PRKD1: variants seen among roughly 807,000 people sequenced by gnomAD.
PRKD1 encodes protein kinase D1.
PRKD1 carries 63 observed loss-of-function variants against 95.9 expected under a neutral mutation model. The observed-to-expected ratio is 0.66, with a 90% CI of 0.54 to 0.81. The LOEUF is 0.81. PRKD1 is among the 30% of genes least tolerant of loss of function. The pLI, the probability that PRKD1 is intolerant of heterozygous loss-of-function variation, is 0.00. For synonymous variants in PRKD1, 425 were observed against 423.1 expected (o/e 1.00, Z -0.05); for missense variants, 1,048 against 1,165.3 (o/e 0.90, Z 1.47).
intron 4 of PRKD1, among the ~76,000 whole-genome samples, chr14:29,663,120 T>C (rs2139209557): frequency 7.0e-6 from 1 of 142,070 alleles, no homozygotes; most frequent in African/African-American, 2.6e-5. Flanking sequence ...TAAAAATATA[T>C]ATCTTATGGA....
intron 10 of PRKD1, among the ~76,000 whole-genome samples, chr14:29,629,630 G>A (rs1879852807): frequency 6.6e-6 from 1 of 152,118 alleles, no homozygotes; most frequent in East Asian, 1.9e-4. Flanking sequence ...GTTTCATTAT[G>A]AGTAACTATT....
At chr14:29,823,898 T>C (rs45546131) in intron 1 of PRKD1, among the ~76,000 whole-genome samples, 89 of 152,312 alleles carry the variant, frequency 5.8e-4, no homozygotes, top group African/African-American at 1.9e-3. Context: ...AGATTGTGTG[T>C]ATTTCCCATT....
intron 13 of PRKD1, among the ~76,000 whole-genome samples, chr14:29,606,921 G>T (rs147777668): frequency 6.6e-6 from 1 of 152,320 alleles, no homozygotes; most frequent in Non-Finnish European, 1.5e-5. Flanking sequence ...GATGTCCTGA[G>T]TTTGAATTCC....
chr14:29,881,538 T>C (rs1041081397), intron 1 of PRKD1, among the ~76,000 whole-genome samples: 1 of 152,198 alleles, frequency 6.6e-6, no homozygotes, highest in Admixed American at 6.5e-5. Context: ...TCTGACCCAC[T>C]CCTTCTCCAT....
At chr14:29,823,242 C>T (rs971036219) in intron 1 of PRKD1, among the ~76,000 whole-genome samples, 3 of 151,972 alleles carry the variant, frequency 2.0e-5, no homozygotes, top group African/African-American at 2.4e-5. Context: ...TCATATTATG[C>T]GAATGTGTGG....
intron 16 of PRKD1, among the ~76,000 whole-genome samples, chr14:29,594,682 T>C (rs1001048674): frequency 1.5e-4 from 23 of 152,162 alleles, no homozygotes; most frequent in Admixed American, 1.2e-3. Flanking sequence ...ATTCTTAGTG[T>C]TTCTGGTGTG....
intron 1 of PRKD1, among the ~76,000 whole-genome samples, chr14:29,890,640 A>G (rs978452692): frequency 5.9e-5 from 9 of 152,180 alleles, no homozygotes; most frequent in African/African-American, 2.2e-4. Context: ...CTTCAGTAAA[A>G]TAATTAAAGA....
chr14:29,690,011 T>C (rs561424173), intron 2 of PRKD1, among the ~76,000 whole-genome samples: 1 of 152,160 alleles, frequency 6.6e-6, no homozygotes, highest in Non-Finnish European at 1.5e-5. Flanking sequence ...AGCTAATGCA[T>C]GTTGGGCTTT....
At chr14:29,837,400 T>C (rs1891652292) in intron 1 of PRKD1, among the ~76,000 whole-genome samples, 2 of 152,190 alleles carry the variant, frequency 1.3e-5, no homozygotes, top group African/African-American at 4.8e-5. Flanking sequence ...TAATAAATAC[T>C]AGCCATTAGC....
intron 16 of PRKD1, among the ~76,000 whole-genome samples, chr14:29,589,758 A>G (rs1444636078): frequency 6.6e-6 from 1 of 151,942 alleles, no homozygotes; most frequent in Admixed American, 6.6e-5. Context: ...TAGCTTTTTT[A>G]TGAAAGTTAT....
chr14:29,900,111 G>A (rs10139334), intron 1 of PRKD1, among the ~76,000 whole-genome samples: 25,114 of 152,116 alleles, frequency 0.17, 4,839 homozygotes, highest in African/African-American at 0.47. Context: ...TTTATAAATT[G>A]CCCAGTCTTG....
At chr14:29,872,087 A>G (rs920425447) in intron 1 of PRKD1, among the ~76,000 whole-genome samples, 1 of 152,194 alleles carries the variant, frequency 6.6e-6, no homozygotes, top group Non-Finnish European at 1.5e-5. Flanking sequence ...TAATCTATTT[A>G]TATGCCTGGA....
At chr14:29,696,538 T>C (rs1174307967) in intron 2 of PRKD1, among the ~76,000 whole-genome samples, 3 of 152,212 alleles carry the variant, frequency 2.0e-5, no homozygotes, top group African/African-American at 7.2e-5. Context: ...TGGAAATTTC[T>C]AAAGTTAGAT....
intron 9 of PRKD1, among the ~76,000 whole-genome samples, chr14:29,631,641 AG>A (rs1218936060): frequency 1.3e-5 from 2 of 151,720 alleles, no homozygotes; most frequent in Non-Finnish European, 2.9e-5. Context: ...CTGGAATTAC[AG>A]GCACCTGCCA....
intron 13 of PRKD1, among the ~76,000 whole-genome samples, chr14:29,608,614 T>G (rs1328278245): frequency 6.6e-6 from 1 of 152,214 alleles, no homozygotes; most frequent in Non-Finnish European, 1.5e-5. Flanking sequence ...AACTTACTTA[T>G]GAAGATGTTT....
intron 4 of PRKD1, among the ~76,000 whole-genome samples, chr14:29,639,845 T>C (rs1170400428): frequency 1.3e-5 from 2 of 152,186 alleles, no homozygotes; most frequent in Non-Finnish European, 2.9e-5. Context: ...TGTGTACTCT[T>C]GCCCATCATT....
chr14:29,634,369 C>G lies in PRKD1; in HGVS notation c.1314+49G>C, dbSNP rs370247713. The G allele has an allele frequency of 5.6e-6, 9 of 1,613,060 alleles. 1 individual carries two copies. The African/African-American group carries it at 1.1e-4, about 19-fold the overall frequency. ...TCCTCACGGGACATTAGCAACTCCT[C>G]TAATTAAAGCTAGCAAGGCAAGAGA... On this transcript the variant is annotated intron_variant, in intron 8 of 17. Coordinates refer to ENST00000331968, the MANE Select transcript of PRKD1 (RefSeq NM_002742.3).
At chr14:29,634,002 C>A (rs1382400207) in intron 8 of PRKD1, among the ~76,000 whole-genome samples, 2 of 152,180 alleles carry the variant, frequency 1.3e-5, no homozygotes, top group Non-Finnish European at 2.9e-5. Context: ...CTGAATGGGT[C>A]AGTTCTTCAG....
At chr14:29,899,773 G>A (rs1024581501) in intron 1 of PRKD1, among the ~76,000 whole-genome samples, 2 of 152,196 alleles carry the variant, frequency 1.3e-5, no homozygotes, top group Non-Finnish European at 2.9e-5. Context: ...TGCTTAGTAT[G>A]TGCAAAGCAC....
Sources: allele counts gnomAD v4.1 joint callset (sites outside exome capture counted in the v4.1 genomes callset), GRCh38; gene constraint gnomAD v4.1.1; transcripts MANE v1.5; gene names NCBI Gene and HGNC (gene_info 2026-07-23, HGNC 2026-07-21).